The following HECW1 variants were observed in gnomAD, a reference collection of about 807,000 sequenced individuals.
HECW1 encodes the protein E3 ubiquitin-protein ligase HECW1.
In HECW1, 61 loss-of-function variants were observed where a neutral mutation model predicts 182.3. The ratio of observed to expected loss-of-function variants is 0.33; its 90% CI spans 0.27 to 0.41. HECW1 has a LOEUF of 0.41. Among genes scored for constraint, HECW1 ranks in the 10% least tolerant of loss-of-function variants. The pLI, the probability that HECW1 is intolerant of heterozygous loss-of-function variation, is 1.00. For missense variants in HECW1, 1,739 were observed against 2,108.9 expected (o/e 0.82, Z 3.44); for synonymous variants, 859 against 832.6 (o/e 1.03, Z -0.55).
intron 24 of HECW1, among the ~76,000 whole-genome samples, chr7:43,538,116 C>T (rs13234419): frequency 0.19 from 29,358 of 152,190 alleles, 3,157 homozygotes; most frequent in Non-Finnish European, 0.25. Context: ...TTAGAACAGT[C>T]AGAGAATCAT....
At chr7:43,360,610 C>G (rs755822212) in intron 5 of HECW1, among the ~76,000 whole-genome samples, 26 of 152,164 alleles carry the variant, frequency 1.7e-4, no homozygotes, top group Non-Finnish European at 3.4e-4. Flanking sequence ...TGTTTTAAAT[C>G]AATGACCTCT....
At chr7:43,157,361 A>T (rs990144957) in intron 2 of HECW1, among the ~76,000 whole-genome samples, 2 of 152,212 alleles carry the variant, frequency 1.3e-5, no homozygotes, top group African/African-American at 4.8e-5. Context: ...TTCAAGACCA[A>T]AGTATAAAAA....
intron 8 of HECW1, among the ~76,000 whole-genome samples, chr7:43,422,503 C>T (rs2076218520): frequency 6.6e-6 from 1 of 151,868 alleles, no homozygotes; most frequent in Non-Finnish European, 1.5e-5. Flanking sequence ...GCTGAGATTA[C>T]AGACACACAT....
At chr7:43,354,187 TA>T (rs34351679) in intron 5 of HECW1, among the ~76,000 whole-genome samples, 17,933 of 121,504 alleles carry the variant, frequency 0.15, 1,547 homozygotes, top group African/African-American at 0.3. Context: ...TATCCAATAA[TA>T]AAAAAAAAAA....
chr7:43,123,678 A>G (rs536931925), intron 2 of HECW1, among the ~76,000 whole-genome samples: 3 of 152,276 alleles, frequency 2.0e-5, no homozygotes, highest in African/African-American at 4.8e-5. Flanking sequence ...CTTGGTGCAC[A>G]TAATTAGCAG....
At chr7:43,469,166 G>A (rs771186628) in intron 16 of HECW1, 61 bp downstream of exon 16, 15 of 1,539,192 alleles carry the variant, frequency 9.7e-6, no homozygotes, top group Non-Finnish European at 1.2e-5. Context: ...GGTGAAGCTA[G>A]CAAGGGCGTG....
intron 24 of HECW1, among the ~76,000 whole-genome samples, chr7:43,517,401 A>T (rs1381690984): frequency 4.0e-5 from 6 of 151,718 alleles, no homozygotes; most frequent in Admixed American, 6.6e-5. Flanking sequence ...TGGGTGGTAA[A>T]AATCTTCTGT....
At chr7:43,500,824 G>A (rs750586989) in intron 20 of HECW1, 42 bp downstream of exon 20, 9 of 1,512,332 alleles carry the variant, frequency 6.0e-6, no homozygotes, top group Non-Finnish European at 7.4e-6. Context: ...AAGCTTCCCT[G>A]GGCAGCTCTC....
intron 3 of HECW1, among the ~76,000 whole-genome samples, chr7:43,261,236 G>A (rs1165835516): frequency 6.6e-6 from 1 of 152,158 alleles, no homozygotes; most frequent in East Asian, 1.9e-4. Context: ...TATTGGCATA[G>A]GAAAAGTAGT....
At position 43,223,971 on chromosome 7, in the gene HECW1, C is replaced by A. The variant is rs116486179; in HGVS notation, c.-31-19904C>A. 5.9e-3 allele frequency among the ~76,000 whole-genome samples: 902 copies of A among 152,312 alleles called. 6 individuals are homozygous for A. The highest frequency in any genetic ancestry group is 0.02 in the African/African-American group (839 of 41,566). On this transcript the variant is annotated intron_variant, in intron 2 of 29. Coordinates refer to ENST00000395891, the MANE Select transcript of HECW1 (RefSeq NM_015052.5). ...TTCTGAGATTCAACCCTTTCAACAG[C>A]CTCCCATCCCCTCTTCCCGCTCCCA...
At chr7:43,336,113 T>C (rs1219864044) in intron 5 of HECW1, among the ~76,000 whole-genome samples, 1 of 116,542 alleles carries the variant, frequency 8.6e-6, no homozygotes. Flanking sequence ...CTTCTTTCTT[T>C]CTTTCTTTCT....
intron 3 of HECW1, among the ~76,000 whole-genome samples, chr7:43,245,159 C>T (rs1799261982): frequency 6.6e-6 from 1 of 152,218 alleles, no homozygotes; most frequent in Non-Finnish European, 1.5e-5. Context: ...CTTAAATTCC[C>T]CTTTATCTCC....
chr7:43,515,778 C>T (rs1369972453), intron 24 of HECW1, among the ~76,000 whole-genome samples: 1 of 152,148 alleles, frequency 6.6e-6, no homozygotes, highest in Non-Finnish European at 1.5e-5. Flanking sequence ...TTAATATTTA[C>T]CAAAACTTTG....
At chr7:43,259,053 AAAC>A (rs1468410034) in intron 3 of HECW1, among the ~76,000 whole-genome samples, 1 of 152,230 alleles carries the variant, frequency 6.6e-6, no homozygotes, top group Admixed American at 6.5e-5. Flanking sequence ...AAAACAAAAC[AAAC>A]AATAGTATGC....
intron 2 of HECW1, among the ~76,000 whole-genome samples, chr7:43,213,719 A>G (rs1456851030): frequency 2.0e-5 from 3 of 152,184 alleles, no homozygotes; most frequent in African/African-American, 4.8e-5. Context: ...TGCTGGGATT[A>G]CAGGCGTGAG....
intron 4 of HECW1, among the ~76,000 whole-genome samples, chr7:43,314,295 A>C (rs1032718983): frequency 3.3e-5 from 5 of 152,214 alleles, no homozygotes; most frequent in Non-Finnish European, 7.3e-5. Context: ...TGAATGAATG[A>C]ATGGTTCTGA....
chr7:43,164,045 C>T (rs962405284), intron 2 of HECW1, among the ~76,000 whole-genome samples: 1 of 152,152 alleles, frequency 6.6e-6, no homozygotes, highest in African/African-American at 2.4e-5. Flanking sequence ...AGAGCCAGGG[C>T]AGGCAGCGAA....
chr7:43,384,859 A>G (rs2074705417), intron 6 of HECW1, among the ~76,000 whole-genome samples: 1 of 152,146 alleles, frequency 6.6e-6, no homozygotes, highest in Non-Finnish European at 1.5e-5. Context: ...AGCAACCGAC[A>G]CACTTCCTAT....
At chr7:43,175,732 G>A (rs1229175714) in intron 2 of HECW1, among the ~76,000 whole-genome samples, 2 of 152,196 alleles carry the variant, frequency 1.3e-5, no homozygotes, top group Admixed American at 6.5e-5. Flanking sequence ...TAACGAACAA[G>A]TCATGAACGC....
Sources: gnomAD v4.1 joint callset for allele counts (sites outside exome capture counted in the v4.1 genomes callset) on GRCh38, gnomAD v4.1.1 for gene constraint, MANE v1.5 for transcripts, NCBI Gene and HGNC (gene_info 2026-07-23, HGNC 2026-07-21) for gene names.